WDFY2: variants seen among roughly 807,000 people sequenced by gnomAD.
WDFY2 encodes the protein WD repeat and FYVE domain containing 2, also known as WD repeat and FYVE domain-containing protein 2.
WDFY2 carries 36 observed loss-of-function variants against 56.4 expected under a neutral mutation model. The ratio of observed to expected loss-of-function variants is 0.64; its 90% CI spans 0.49 to 0.84. The LOEUF is 0.84. Ranked by LOEUF, WDFY2 falls within the 40% of genes least tolerant of loss-of-function variation. The pLI is 0.00. For missense variants in WDFY2, 444 were observed against 512.2 expected (o/e 0.87, Z 1.29); for synonymous variants, 176 against 183.7 (o/e 0.96, Z 0.34).
chr13:51,739,010 T>A, intron 6 of WDFY2, 39 bp from the exon 7 acceptor site: 1 of 1,510,280 alleles, frequency 6.6e-7, no homozygotes, highest in East Asian at 2.5e-5. Flanking sequence ...GTAAGAGTCT[T>A]ACCTTGTGAC....
At chr13:51,684,507 C>G (rs1956028513) in intron 3 of WDFY2, among the ~76,000 whole-genome samples, 1 of 151,764 alleles carries the variant, frequency 6.6e-6, no homozygotes, top group Non-Finnish European at 1.5e-5. Flanking sequence ...TTTTGGTGAT[C>G]TGCATCTGTG....
chr13:51,744,162 G>A (rs1285881151), intron 7 of WDFY2, among the ~76,000 whole-genome samples: 2 of 152,232 alleles, frequency 1.3e-5, no homozygotes, highest in African/African-American at 2.4e-5. Flanking sequence ...GGTCCTTGGA[G>A]CTTGGAAGAT....
intron 1 of WDFY2, among the ~76,000 whole-genome samples, chr13:51,655,251 G>T (rs1361941630): frequency 6.6e-6 from 1 of 152,126 alleles, no homozygotes; most frequent in East Asian, 1.9e-4. Context: ...GAATAGCAGT[G>T]ATGAAATTGA....
At chr13:51,736,699 G>A (rs1239829157) in intron 6 of WDFY2, among the ~76,000 whole-genome samples, 1 of 152,150 alleles carries the variant, frequency 6.6e-6, no homozygotes, top group Non-Finnish European at 1.5e-5. Context: ...CATCATATTG[G>A]CCAGGCTGGT....
intron 7 of WDFY2, among the ~76,000 whole-genome samples, chr13:51,749,541 A>C (rs1440674403): frequency 2.4e-4 from 36 of 152,282 alleles, no homozygotes; most frequent in Non-Finnish European, 4.4e-5. Flanking sequence ...TAATCATTTT[A>C]GCAGACTAGC....
intron 4 of WDFY2, among the ~76,000 whole-genome samples, chr13:51,716,549 C>T (rs1455456056): frequency 1.3e-5 from 2 of 150,942 alleles, no homozygotes; most frequent in African/African-American, 2.4e-5. Flanking sequence ...AAAAATTAGC[C>T]GGGCGTAGTG....
At chr13:51,650,202 T>C (rs1252047579) in intron 1 of WDFY2, among the ~76,000 whole-genome samples, 3 of 152,120 alleles carry the variant, frequency 2.0e-5, no homozygotes, top group Non-Finnish European at 4.4e-5. Flanking sequence ...AGTTCACTCA[T>C]GATTTGGCTG....
In WDFY2 at chr13:51,727,708, C is replaced by T. The variant is rs544843974; in HGVS notation, c.516C>T (p.Ile172=). The part of the protein sequence containing the change: ...QFDVETRHVF[I]GDHSGQVTIL... The stretch of plus-strand genomic sequence containing the variant: ...ATGTTGAAACCCGGCATGTGTTTAT[C>T]GGTGACCACTCAGGCCAAGTAACAA... The change falls in exon 6 of 12, where the codon ATC becomes ATT. Residue 172 remains isoleucine, a synonymous_variant. Transcript: ENST00000298125. 3.7e-5 allele frequency: 60 copies of T among 1,614,052 alleles called. No individual in the cohort carries two copies. The South Asian group carries it at 4.1e-4, about 11-fold the overall frequency.
chr13:51,738,154 GAATAT>G (rs1952883742), intron 6 of WDFY2, among the ~76,000 whole-genome samples: 1 of 152,138 alleles, frequency 6.6e-6, no homozygotes. Context: ...GTTCTTTTCA[GAATAT>G]AATATTTTTA....
In WDFY2 at chr13:51,755,536, C is replaced by A. The variant is rs151029322; in HGVS notation, c.933+77C>A. On this transcript the variant is annotated intron_variant, in intron 9 of 11. Coordinates refer to ENST00000298125, the MANE Select transcript of WDFY2 (RefSeq NM_052950.4). ...CCATGTGATCTTAGAAGAAATAACA[C>A]CCCTGGGTGGGAGTTGTGGTGAGGG... 3.1e-5 allele frequency: 44 copies of A among 1,421,832 alleles called. 1 individual carries two copies. In the African/African-American group the frequency reaches 5.1e-4, roughly 16 times the overall value. The allele number at this position is 1,421,832 out of a possible 1,614,324, so 88.1% of individuals were successfully genotyped here. A position where few individuals can be genotyped will look rare whatever the true frequency, so the allele number is the denominator to read the frequency against.
intron 1 of WDFY2, among the ~76,000 whole-genome samples, chr13:51,610,979 G>A (rs893924040): frequency 7.2e-5 from 11 of 152,080 alleles, no homozygotes; most frequent in African/African-American, 2.7e-4. Flanking sequence ...ATTTTTGGGT[G>A]GTATGGGGAA....
intron 1 of WDFY2, among the ~76,000 whole-genome samples, chr13:51,617,453 T>G (rs1428054387): frequency 2.6e-5 from 4 of 152,122 alleles, no homozygotes; most frequent in African/African-American, 9.7e-5. Flanking sequence ...GAGAATTCTT[T>G]TCTTATTATG....
intron 8 of WDFY2, 141 bp downstream of exon 8, chr13:51,751,556 G>A (rs983290193): frequency 3.5e-5 from 30 of 850,350 alleles, no homozygotes; most frequent in Non-Finnish European, 4.8e-5. Flanking sequence ...GAGTTGTTTG[G>A]GTTGTTTTTT....
At chr13:51,691,634 G>T (rs1442012083) in intron 3 of WDFY2, among the ~76,000 whole-genome samples, 1 of 152,014 alleles carries the variant, frequency 6.6e-6, no homozygotes, top group Non-Finnish European at 1.5e-5. Context: ...GTAGTGTGAT[G>T]CCTCCAGCTT....
chr13:51,734,809 C>T (rs1234271862), intron 6 of WDFY2, among the ~76,000 whole-genome samples: 2 of 152,280 alleles, frequency 1.3e-5, no homozygotes, highest in East Asian at 1.9e-4. Context: ...AAGGGAGAAG[C>T]ATAAAATGAA....
intron 2 of WDFY2, among the ~76,000 whole-genome samples, chr13:51,668,392 T>C (rs1306518190): frequency 6.6e-6 from 1 of 152,186 alleles, no homozygotes; most frequent in African/African-American, 2.4e-5. Context: ...TTTGCTGTTA[T>C]TACTCAGCCT....
chr13:51,674,712 C>T (rs1478980386), intron 2 of WDFY2, among the ~76,000 whole-genome samples: 1 of 152,080 alleles, frequency 6.6e-6, no homozygotes, highest in East Asian at 1.9e-4. Context: ...CTTCTAGACT[C>T]CTGTGTGTAT....
chr13:51,650,485 T>C (rs1261443465), intron 1 of WDFY2, among the ~76,000 whole-genome samples: 1 of 152,230 alleles, frequency 6.6e-6, no homozygotes, highest in East Asian at 1.9e-4. Context: ...CATTCCTGTC[T>C]TGTGCAAGTT....
At chr13:51,673,590 A>G (rs763966033) in intron 2 of WDFY2, among the ~76,000 whole-genome samples, 39 of 152,080 alleles carry the variant, frequency 2.6e-4, no homozygotes, top group Non-Finnish European at 5.0e-4. Context: ...ATCACAGTGT[A>G]TTTTTTCTTT....
Sources: allele counts gnomAD v4.1 joint callset (sites outside exome capture counted in the v4.1 genomes callset), GRCh38; gene constraint gnomAD v4.1.1; transcripts MANE v1.5; gene names NCBI Gene and HGNC (gene_info 2026-07-23, HGNC 2026-07-21).